The following SPOCK1 variants were observed in gnomAD, a reference collection of about 807,000 sequenced individuals.
SPOCK1 encodes the protein SPARC (osteonectin), cwcv and kazal like domains proteoglycan 1, also known as testican-1.
A neutral mutation model predicts 55.3 loss-of-function variants in SPOCK1; 23 were observed. The ratio of observed to expected loss-of-function variants is 0.42; its 90% CI spans 0.30 to 0.59. The LOEUF (loss-of-function observed/expected upper bound fraction) is 0.59, where lower values mean the gene tolerates loss of function less well. Among genes scored for constraint, SPOCK1 ranks in the 20% least tolerant of loss-of-function variants. The probability of loss-of-function intolerance (pLI) is 0.22; values close to 1 mark genes in which losing one functional copy is unlikely to be tolerated. For synonymous variants in SPOCK1, 226 were observed against 221.0 expected (o/e 1.02, Z -0.20); for missense variants, 499 against 552.5 (o/e 0.90, Z 0.97).
chr5:137,448,845 C>T (rs1753187710), intron 2 of SPOCK1, among the ~76,000 whole-genome samples: 1 of 152,232 alleles, frequency 6.6e-6, no homozygotes, highest in Non-Finnish European at 1.5e-5. Context: ...TTTCTGTGCC[C>T]TCCCAACTTT....
chr5:137,230,337 C>T (rs1431022269), intron 3 of SPOCK1, among the ~76,000 whole-genome samples: 3 of 152,180 alleles, frequency 2.0e-5, no homozygotes, highest in South Asian at 4.1e-4. Context: ...AAAGAAAAAT[C>T]GCCCCATCAG....
At chr5:137,064,993 C>T (rs564350626) in intron 6 of SPOCK1, among the ~76,000 whole-genome samples, 6 of 152,080 alleles carry the variant, frequency 3.9e-5, no homozygotes, top group South Asian at 4.2e-4. Context: ...TTTGGGAGGC[C>T]GAGGCAGGAG....
intron 3 of SPOCK1, among the ~76,000 whole-genome samples, chr5:137,144,678 C>A (rs572091280): frequency 6.6e-6 from 1 of 152,312 alleles, no homozygotes; most frequent in East Asian, 1.9e-4. Flanking sequence ...GTGATGGATG[C>A]TCCTGAAAGG....
At chr5:136,989,704 C>A (rs1385966311) in intron 7 of SPOCK1, among the ~76,000 whole-genome samples, 1 of 152,190 alleles carries the variant, frequency 6.6e-6, no homozygotes, top group East Asian at 1.9e-4. Flanking sequence ...CTCAATGACA[C>A]CTCTGCTAGC....
intron 2 of SPOCK1, among the ~76,000 whole-genome samples, chr5:137,362,413 T>C (rs1315699167): frequency 6.7e-6 from 1 of 148,592 alleles, no homozygotes. Context: ...CACGGCAAGC[T>C]CCTCCTCCCA....
At chr5:137,172,430 C>T (rs1469008435) in intron 3 of SPOCK1, among the ~76,000 whole-genome samples, 1 of 152,124 alleles carries the variant, frequency 6.6e-6, no homozygotes, top group Admixed American at 6.5e-5. Context: ...ATCTCAGTTG[C>T]CATGTAGAAA....
intron 2 of SPOCK1, among the ~76,000 whole-genome samples, chr5:137,429,927 C>T (rs1370567622): frequency 6.6e-6 from 1 of 152,080 alleles, no homozygotes; most frequent in Non-Finnish European, 1.5e-5. Flanking sequence ...AGAATCTGGC[C>T]TGAGTGGTCT....
chr5:137,032,990 C>A (rs1332428956), intron 6 of SPOCK1, among the ~76,000 whole-genome samples: 3 of 152,198 alleles, frequency 2.0e-5, no homozygotes, highest in East Asian at 3.8e-4. Flanking sequence ...AGCCTCAGTG[C>A]AGCTAAATCA....
At chr5:137,040,500 T>C (rs1020625160) in intron 6 of SPOCK1, among the ~76,000 whole-genome samples, 1 of 152,112 alleles carries the variant, frequency 6.6e-6, no homozygotes, top group Non-Finnish European at 1.5e-5. Flanking sequence ...ACAAAATACA[T>C]AAGGGACAAA....
At chr5:137,495,440 A>C (rs1186777527) in intron 2 of SPOCK1, among the ~76,000 whole-genome samples, 1 of 152,222 alleles carries the variant, frequency 6.6e-6, no homozygotes, top group African/African-American at 2.4e-5. Context: ...CAAGTTTCAA[A>C]AATCACATCT....
intron 6 of SPOCK1, among the ~76,000 whole-genome samples, chr5:137,043,972 AT>A: frequency 1.3e-5 from 2 of 152,344 alleles, no homozygotes; most frequent in South Asian, 4.1e-4. Context: ...ATAGAGAAAC[AT>A]GGGTGCAGGG....
At chr5:137,380,580 T>A (rs1751441951) in intron 2 of SPOCK1, among the ~76,000 whole-genome samples, 1 of 152,140 alleles carries the variant, frequency 6.6e-6, no homozygotes, top group South Asian at 2.1e-4. Flanking sequence ...AACTTAACAA[T>A]CATGGCAGAA....
intron 2 of SPOCK1, among the ~76,000 whole-genome samples, chr5:137,495,463 C>A (rs970748922): frequency 6.6e-6 from 1 of 152,236 alleles, no homozygotes; most frequent in Non-Finnish European, 1.5e-5. Flanking sequence ...ATCTCTCCCC[C>A]AAGTCCAACA....
chr5:137,356,836 T>TGGAGAG (rs1750823249), intron 2 of SPOCK1, among the ~76,000 whole-genome samples: 1 of 8,770 alleles, frequency 1.1e-4, no homozygotes, highest in Non-Finnish European at 2.1e-4. Flanking sequence ...TATATATATA[T>TGGAGAG]ATAGAGAGAG....
At chr5:137,074,315 T>C (rs1371291170) in intron 5 of SPOCK1, among the ~76,000 whole-genome samples, 1 of 152,222 alleles carries the variant, frequency 6.6e-6, no homozygotes, top group Admixed American at 6.5e-5. Flanking sequence ...AACTATATGC[T>C]AGGTGATATT....
At chr5:136,994,068 A>G (rs529638715) in intron 6 of SPOCK1, among the ~76,000 whole-genome samples, 2 of 152,246 alleles carry the variant, frequency 1.3e-5, no homozygotes, top group South Asian at 4.1e-4. Flanking sequence ...CCCACCCTCC[A>G]TATTAGAGGA....
chr5:137,423,373 C>T (rs985577947), intron 2 of SPOCK1, among the ~76,000 whole-genome samples: 22 of 152,334 alleles, frequency 1.4e-4, no homozygotes, highest in Non-Finnish European at 1.2e-4. Context: ...CCATGCCCTG[C>T]CCCCAGAGGT....
intron 5 of SPOCK1, among the ~76,000 whole-genome samples, chr5:137,105,593 C>T (rs1457128891): frequency 6.6e-6 from 1 of 152,134 alleles, no homozygotes; most frequent in Admixed American, 6.5e-5. Context: ...CTCTACTTGC[C>T]AAGAACTTCA....
intron 2 of SPOCK1, among the ~76,000 whole-genome samples, chr5:137,489,362 A>G (rs1460438826): frequency 1.3e-5 from 2 of 152,220 alleles, no homozygotes; most frequent in Non-Finnish European, 2.9e-5. Context: ...TTTAAAATAT[A>G]AACTCCACAG....
Sources: allele counts gnomAD v4.1 joint callset (sites outside exome capture counted in the v4.1 genomes callset), GRCh38; gene constraint gnomAD v4.1.1; transcripts MANE v1.5; gene names NCBI Gene and HGNC (gene_info 2026-07-23, HGNC 2026-07-21).